Variants in ZYG11B observed in about 807,000 individuals in gnomAD.
ZYG11B encodes the protein zyg-11 family member B, cell cycle regulator.
Under a neutral mutation model 82.4 loss-of-function variants are expected in ZYG11B, and 36 were observed. The ratio of observed to expected loss-of-function variants is 0.44; its 90% confidence interval spans 0.33 to 0.58. The LOEUF (loss-of-function observed/expected upper bound fraction) is 0.58, where lower values mean the gene tolerates loss of function less well. ZYG11B is among the 20% of genes least tolerant of loss of function. The pLI is 0.02. For synonymous variants in ZYG11B, 303 were observed against 312.8 expected (o/e 0.97, Z 0.33); for missense variants, 552 against 895.6 (o/e 0.62, Z 4.90).
intron 2 of ZYG11B, among the ~76,000 whole-genome samples, chr1:52,765,105 TTGAACCCC>T (rs1222763609): frequency 1.3e-5 from 2 of 152,136 alleles, no homozygotes; most frequent in Admixed American, 6.6e-5. Context: ...CAGGTTGGTC[TTGAACCCC>T]TGGCCTCAAG....
chr1:52,755,293 C>G (rs1280257669), intron 1 of ZYG11B, among the ~76,000 whole-genome samples: 1 of 151,874 alleles, frequency 6.6e-6, no homozygotes, highest in Non-Finnish European at 1.5e-5. Flanking sequence ...TCCTGGCATT[C>G]TTGTCAATAT....
At chr1:52,789,641 C>T (rs1018857575) in intron 5 of ZYG11B, among the ~76,000 whole-genome samples, 6 of 152,064 alleles carry the variant, frequency 3.9e-5, no homozygotes, top group African/African-American at 7.2e-5. Flanking sequence ...CAAGCAGGCT[C>T]GTCTATATTT....
At chr1:52,780,638 CAT>C (rs1354764777) in intron 4 of ZYG11B, among the ~76,000 whole-genome samples, 1 of 152,076 alleles carries the variant, frequency 6.6e-6, no homozygotes, top group Non-Finnish European at 1.5e-5. Flanking sequence ...GTTTTTAAGA[CAT>C]AGGGTCTTAC....
At chr1:52,805,154 G>T (rs962266075) in intron 10 of ZYG11B, 1 of 167,184 alleles carries the variant, frequency 6.0e-6, no homozygotes, top group Admixed American at 6.1e-5. Context: ...CTGCACAGGG[G>T]TCATGCTAAT....
At chr1:52,797,517 AT>A (rs1206128120) in intron 8 of ZYG11B, among the ~76,000 whole-genome samples, 3 of 95,824 alleles carry the variant, frequency 3.1e-5, no homozygotes, top group Non-Finnish European at 2.4e-5. Context: ...ATATATATAT[AT>A]TTTTTTTTAG....
At chr1:52,750,461 C>T (rs1553258251) in intron 1 of ZYG11B, among the ~76,000 whole-genome samples, 1 of 152,056 alleles carries the variant, frequency 6.6e-6, no homozygotes, top group Non-Finnish European at 1.5e-5. Flanking sequence ...TTAGTAGAGA[C>T]AGAGTTTCAC....
rs185571638 is a variant in ZYG11B, at chr1:52,766,964, C to T, written c.197-4056C>T. ...TAGAGCTTGCAGTGAGCCCAGATCG[C>T]GCCACTGCACTCCAGCCTGGGTGAA... On this transcript the variant is annotated intron_variant, in intron 2 of 13. Transcript: ENST00000294353. Among the ~76,000 whole-genome samples, 765 of 150,952 alleles carry T rather than the reference C, an allele frequency of 5.1e-3. 6 individuals carry two copies. Among genetic ancestry groups the T allele is most frequent in the African/African-American group, 0.018 (738 of 41,072 alleles).
chr1:52,772,550 C>G, intron 3 of ZYG11B: 20 of 1,610,262 alleles, frequency 1.2e-5, no homozygotes, highest in Non-Finnish European at 1.5e-5. Context: ...TCTGCTCCTT[C>G]ACGTCGTCAG....
rs1247624369 is a variant in ZYG11B at position 52,742,955 on chromosome 1, GC to G, written c.31-13501del. 5.3e-5 allele frequency among the ~76,000 whole-genome samples: 8 copies of G among 151,476 alleles called. No homozygotes were observed. The East Asian group carries it at 7.8e-4, about 15-fold the overall frequency. Reference sequence around the variant, plus strand: ...GGAGGTGGGGGGCAGCCCCCGCCCGGCCAGCCGCCCCGTCCGGGAGGTGGGG... The same window carrying G: ...GGAGGTGGGGGGCAGCCCCCGCCCGGCAGCCGCCCCGTCCGGGAGGTGGGG... On this transcript the variant is annotated intron_variant, in intron 1 of 13. Transcript: ENST00000294353.
intron 8 of ZYG11B, among the ~76,000 whole-genome samples, chr1:52,798,400 G>C (rs977997629): frequency 1.3e-5 from 2 of 152,114 alleles, no homozygotes; most frequent in African/African-American, 4.8e-5. Flanking sequence ...GGTTGCTTGA[G>C]CCCAGGAGTT....
chr1:52,763,022 C>T (rs2149933615), intron 2 of ZYG11B, among the ~76,000 whole-genome samples: 1 of 150,944 alleles, frequency 6.6e-6, no homozygotes, highest in East Asian at 2.0e-4. Flanking sequence ...GGATATCCAG[C>T]CTTCCCAGCA....
chr1:52,757,246 C>T (rs1644586286), intron 2 of ZYG11B, among the ~76,000 whole-genome samples: 1 of 152,052 alleles, frequency 6.6e-6, no homozygotes, highest in Non-Finnish European at 1.5e-5. Flanking sequence ...CTCCTTTCCT[C>T]AAGCAATCTT....
At chr1:52,817,286 A>G (rs144159311) in intron 13 of ZYG11B, among the ~76,000 whole-genome samples, 2 of 152,228 alleles carry the variant, frequency 1.3e-5, no homozygotes, top group Non-Finnish European at 2.9e-5. Context: ...ATTCTCATTC[A>G]CCCAAAATTC....
intron 2 of ZYG11B, among the ~76,000 whole-genome samples, chr1:52,766,941 G>A (rs560017954): frequency 4.7e-4 from 71 of 151,788 alleles, no homozygotes; most frequent in African/African-American, 1.6e-3. Flanking sequence ...CCGGGAGGTA[G>A]AGCTTGCAGT....
chr1:52,802,407 G>A (rs533597750), intron 10 of ZYG11B, among the ~76,000 whole-genome samples: 32 of 141,204 alleles, frequency 2.3e-4, no homozygotes, highest in African/African-American at 8.4e-4. Flanking sequence ...GAGTGCAGTG[G>A]TGTGATCACA....
Position 52,821,435 on chromosome 1 carries a change from TCAG to T in ZYG11B, c.2045-2_2045del. On this transcript the variant is annotated splice_acceptor_variant and splice_polypyrimidine_tract_variant and intron_variant, in intron 13 of 13. Transcript: ENST00000294353. LOFTEE classifies it high-confidence loss of function. The stretch of plus-strand genomic sequence containing the variant: ...TTTTGTGTGTGTTTTTTTTTCTTTT[TCAG>T]CTTCAAGGTATTGCAGCATGCTGAT... 2 of 1,512,844 alleles carry T rather than the reference TCAG, an allele frequency of 1.3e-6. No homozygotes were observed. Among genetic ancestry groups the T allele is most frequent in the East Asian group, 2.3e-5 (1 of 43,006 alleles). 93.7% of individuals were successfully genotyped at this position (1,512,844 alleles called of 1,614,324 possible).
chr1:52,787,007 T>C (rs1240212973), intron 5 of ZYG11B, among the ~76,000 whole-genome samples: 2 of 152,046 alleles, frequency 1.3e-5, no homozygotes, highest in Non-Finnish European at 2.9e-5. Context: ...GGAGAATCGC[T>C]TGAACCCGGG....
chr1:52,788,296 G>A (rs772417616), intron 5 of ZYG11B, among the ~76,000 whole-genome samples: 1 of 152,140 alleles, frequency 6.6e-6, no homozygotes, highest in Non-Finnish European at 1.5e-5. Flanking sequence ...CTAGCTGGGC[G>A]GAAATTGAAG....
chr1:52,730,185 T>C (rs889970710), intron 1 of ZYG11B, among the ~76,000 whole-genome samples: 3 of 152,180 alleles, frequency 2.0e-5, no homozygotes, highest in African/African-American at 7.2e-5. Context: ...GTCTAAGACA[T>C]AGTCCTTACT....
Sources: allele counts gnomAD v4.1 joint callset (sites outside exome capture counted in the v4.1 genomes callset), GRCh38; gene constraint gnomAD v4.1.1; transcripts MANE v1.5; gene names NCBI Gene and HGNC (gene_info 2026-07-23, HGNC 2026-07-21).